IKZF1: variants seen among roughly 807,000 people sequenced by gnomAD.
IKZF1 encodes the protein IKAROS family zinc finger 1.
IKZF1 carries 10 observed loss-of-function variants against 51.7 expected under a neutral mutation model. That is an observed-to-expected ratio of 0.19 (90% CI 0.12 to 0.33). The LOEUF is 0.33. IKZF1 is among the 10% of genes least tolerant of loss of function. The pLI is 1.00. For synonymous variants in IKZF1, 280 were observed against 282.3 expected (o/e 0.99, Z 0.08); for missense variants, 484 against 707.5 (o/e 0.68, Z 3.58).
chr7:50,315,676 A>C (rs935170368), intron 1 of IKZF1, among the ~76,000 whole-genome samples: 1 of 152,180 alleles, frequency 6.6e-6, no homozygotes, highest in Non-Finnish European at 1.5e-5. Context: ...TCTGTGAAAT[A>C]ATTATTCCTT....
intron 2 of IKZF1, among the ~76,000 whole-genome samples, chr7:50,325,846 C>T (rs1483653129): frequency 6.6e-6 from 1 of 152,126 alleles, no homozygotes; most frequent in Non-Finnish European, 1.5e-5. Context: ...AAGGCTTTAG[C>T]ATAACATGAA....
In IKZF1 at chr7:50,394,672, G is replaced by T. The variant is rs114402519; in HGVS notation, c.850+2809G>T. Among the ~76,000 whole-genome samples, 946 of 152,200 alleles carry T rather than the reference G, an allele frequency of 6.2e-3. 7 individuals carry two copies. Among genetic ancestry groups the T allele is most frequent in the African/African-American group, 0.017 (697 of 41,528 alleles). On this transcript the variant is annotated intron_variant, in intron 7 of 7. Coordinates refer to ENST00000331340, the MANE Select transcript of IKZF1 (RefSeq NM_006060.6). ...CAACACTAGAAAGCATCTTAAGAAT[G>T]TAAGATTTTCATGATGACTGTTGCT...
intron 3 of IKZF1, among the ~76,000 whole-genome samples, chr7:50,330,531 C>T (rs750514692): frequency 6.6e-6 from 1 of 152,190 alleles, no homozygotes; most frequent in Non-Finnish European, 1.5e-5. Flanking sequence ...CCGAAGTGCC[C>T]AAGGAGACAT....
rs1811557493 is a variant in IKZF1 at position 50,380,516 on chromosome 7, G to A, written c.422-2024G>A. Among the ~76,000 whole-genome samples the A allele has an allele frequency of 2.0e-5, 3 of 152,328 alleles. No homozygotes were observed. In the South Asian group the frequency reaches 6.2e-4, roughly 32 times the overall value. On this transcript the variant is annotated intron_variant, in intron 4 of 7. Coordinates refer to ENST00000331340, the MANE Select transcript of IKZF1 (RefSeq NM_006060.6). ...CCAGCACGGAAGGGGGTCTTTCCCA[G>A]GTGTAAGTGTAGGGCTGCATTCACT...
At chr7:50,309,920 A>G (rs531228275) in intron 1 of IKZF1, among the ~76,000 whole-genome samples, 30 of 152,276 alleles carry the variant, frequency 2.0e-4, no homozygotes, top group Non-Finnish European at 2.6e-4. Flanking sequence ...CTTTTAATGG[A>G]AACTAGAGAG....
intron 7 of IKZF1, among the ~76,000 whole-genome samples, chr7:50,396,144 T>C (rs1816648930): frequency 6.6e-6 from 1 of 152,140 alleles, no homozygotes; most frequent in South Asian, 2.1e-4. Context: ...TATATAAATA[T>C]GTTTTGTTCC....
chr7:50,392,563 G>T (rs1461534585), intron 7 of IKZF1, among the ~76,000 whole-genome samples: 1 of 152,076 alleles, frequency 6.6e-6, no homozygotes, highest in Non-Finnish European at 1.5e-5. Flanking sequence ...CAGAGCCACC[G>T]CCACTCACCA....
intron 2 of IKZF1, among the ~76,000 whole-genome samples, chr7:50,321,367 G>T (rs1426606069): frequency 6.6e-6 from 1 of 152,204 alleles, no homozygotes; most frequent in Non-Finnish European, 1.5e-5. Flanking sequence ...GCCTCTCACT[G>T]CAGCCTCAGA....
At position 50,403,901 on chromosome 7, in the gene IKZF1, T is replaced by TA. The variant is rs2153522702; in HGVS notation, c.*3275dup. The TA allele has an allele frequency of 4.6e-6, 1 of 218,238 alleles. No homozygotes were observed. Among genetic ancestry groups the TA allele is most frequent in the South Asian group, 1.9e-4 (1 of 5,388 alleles). 13.5% of individuals were successfully genotyped at this position (218,238 alleles called of 1,614,324 possible). ...AAACAAACGCGAGATGAACTGGACTTATGTAGACAAATCGTGATGCCAGTG... is the reference window on the plus strand; with the variant it reads ...AAACAAACGCGAGATGAACTGGACTTAATGTAGACAAATCGTGATGCCAGTG... On this transcript the variant is annotated 3_prime_UTR_variant, in exon 8 of 8. Transcript: ENST00000331340.
intron 3 of IKZF1, among the ~76,000 whole-genome samples, chr7:50,374,269 C>G (rs960981121): frequency 6.6e-6 from 1 of 152,178 alleles, no homozygotes; most frequent in African/African-American, 2.4e-5. Flanking sequence ...GACATGGAAC[C>G]TGTGGATATA....
chr7:50,315,824 C>T (rs531927831), intron 1 of IKZF1, among the ~76,000 whole-genome samples: 28 of 152,288 alleles, frequency 1.8e-4, no homozygotes, highest in African/African-American at 6.5e-4. Flanking sequence ...CCATATCAAG[C>T]TTAAATTCCA....
chr7:50,385,848 T>C (rs1813230379), intron 5 of IKZF1, among the ~76,000 whole-genome samples: 3 of 152,348 alleles, frequency 2.0e-5, no homozygotes, highest in South Asian at 2.1e-4. Flanking sequence ...TTCCTTATGT[T>C]GGGGGTACAT....
intron 7 of IKZF1, among the ~76,000 whole-genome samples, chr7:50,395,116 TTAA>T (rs1177060441): frequency 1.3e-5 from 2 of 152,216 alleles, no homozygotes; most frequent in African/African-American, 4.8e-5. Flanking sequence ...AATGCAAAGA[TTAA>T]TGTTTTCAAA....
chr7:50,317,840 A>G (rs567169171), intron 1 of IKZF1, among the ~76,000 whole-genome samples: 1 of 152,358 alleles, frequency 6.6e-6, no homozygotes, highest in East Asian at 1.9e-4. Context: ...TTGAGAGGGT[A>G]AGATCCCTGA....
intron 6 of IKZF1, among the ~76,000 whole-genome samples, chr7:50,390,814 G>A (rs906385146): frequency 6.6e-6 from 1 of 152,180 alleles, no homozygotes; most frequent in Non-Finnish European, 1.5e-5. Flanking sequence ...TTGAAGAATA[G>A]ACAAACAAAT....
chr7:50,400,927 C>T lies in IKZF1; in HGVS notation c.*300C>T. 2.1e-6 allele frequency: 1 copy of T among 471,430 alleles called. No homozygotes were observed. The allele number at this position is 471,430 out of a possible 1,614,324, so 29.2% of individuals were successfully genotyped here. A position where few individuals can be genotyped will look rare whatever the true frequency, so the allele number is the denominator to read the frequency against. On this transcript the variant is annotated 3_prime_UTR_variant, in exon 8 of 8. Coordinates refer to ENST00000331340, the MANE Select transcript of IKZF1 (RefSeq NM_006060.6). The surrounding 1 kb of genome is among the most constrained non-coding windows in gnomAD (Gnocchi z 5.4). Reference sequence around the variant, plus strand: ...ACCTGTCGCTTCCTAGAATCCCCTTCTCCAAACGATTAGTCTAAATTTTCA... The same window carrying T: ...ACCTGTCGCTTCCTAGAATCCCCTTTTCCAAACGATTAGTCTAAATTTTCA...
rs1417153627 is a variant in IKZF1 at position 50,404,904 on chromosome 7, C to T, written c.*4277C>T. 4.6e-6 allele frequency: 1 copy of T among 217,506 alleles called. No homozygotes were observed. Among genetic ancestry groups the T allele is most frequent in the Non-Finnish European group, 9.2e-6 (1 of 108,168 alleles). The allele number at this position is 217,506 out of a possible 1,614,324, so 13.5% of individuals were successfully genotyped here. The stretch of plus-strand genomic sequence containing the variant: ...TGGAAACAGCTGCCTGCCTGCATTG[C>T]ACTTCTCTTCCCGAGGAGTGGGGTA... On this transcript the variant is annotated 3_prime_UTR_variant, in exon 8 of 8. Transcript: ENST00000331340.
At chr7:50,312,254 A>G (rs754625445) in intron 1 of IKZF1, among the ~76,000 whole-genome samples, 11 of 152,222 alleles carry the variant, frequency 7.2e-5, no homozygotes, top group Admixed American at 1.3e-4. Flanking sequence ...AAAAGCTTCT[A>G]TCAATTTTGA....
intron 3 of IKZF1, among the ~76,000 whole-genome samples, chr7:50,356,965 T>C (rs1033486613): frequency 3.3e-5 from 5 of 151,548 alleles, no homozygotes; most frequent in African/African-American, 1.2e-4. Context: ...TCGTGGTCGC[T>C]GGGCTGGTGG....
Sources: gnomAD v4.1 joint callset for allele counts (sites outside exome capture counted in the v4.1 genomes callset) on GRCh38, gnomAD v4.1.1 for gene constraint, Gnocchi (gnomAD v3.1) non-coding constraint, MANE v1.5 for transcripts, NCBI Gene and HGNC (gene_info 2026-07-23, HGNC 2026-07-21) for gene names.